ZNF423: variants seen among roughly 807,000 people sequenced by gnomAD.
The protein encoded by ZNF423 is zinc finger protein 423.
A neutral mutation model predicts 95.8 loss-of-function variants in ZNF423; 12 were observed. The observed-to-expected ratio is 0.13, with a 90% CI of 0.08 to 0.20. The LOEUF (loss-of-function observed/expected upper bound fraction) is 0.20. Among genes scored for constraint, ZNF423 ranks in the 10% least tolerant of loss-of-function variants. The pLI, the probability that ZNF423 is intolerant of heterozygous loss-of-function variation, is 1.00. For synonymous variants in ZNF423, 749 were observed against 711.9 expected (o/e 1.05, Z -0.83); for missense variants, 1,316 against 1,737.1 (o/e 0.76, Z 4.31).
intron 2 of ZNF423, among the ~76,000 whole-genome samples, chr16:49,739,696 G>T (rs74018914): frequency 0.02 from 1,067 of 52,512 alleles, 166 homozygotes; most frequent in Middle Eastern, 0.034. Flanking sequence ...TTTTTGTTTG[G>T]TTTTTTTTTT....
At chr16:49,721,038 G>A (rs1281224208) in intron 3 of ZNF423, among the ~76,000 whole-genome samples, 6 of 152,260 alleles carry the variant, frequency 3.9e-5, no homozygotes, top group Non-Finnish European at 7.3e-5. Context: ...GGAGCCTGGA[G>A]GTGCTGGGGC....
chr16:49,703,132 G>A (rs187309939), intron 3 of ZNF423, among the ~76,000 whole-genome samples: 70 of 152,284 alleles, frequency 4.6e-4, no homozygotes, highest in African/African-American at 1.2e-3. Flanking sequence ...TGCGGTTACC[G>A]CTAGAACCTC....
chr16:49,569,851 A>G (rs938755834), intron 5 of ZNF423, among the ~76,000 whole-genome samples: 4 of 152,232 alleles, frequency 2.6e-5, no homozygotes, highest in African/African-American at 7.2e-5. Flanking sequence ...TGTTAAATTC[A>G]TTTAATCCTC....
chr16:49,607,214 A>G (rs1971568186), intron 5 of ZNF423, among the ~76,000 whole-genome samples: 1 of 152,094 alleles, frequency 6.6e-6, no homozygotes, highest in African/African-American at 2.4e-5. Flanking sequence ...AACCCCACTC[A>G]GGATAGCATT....
At chr16:49,692,726 T>C (rs969317230) in intron 3 of ZNF423, among the ~76,000 whole-genome samples, 1 of 152,240 alleles carries the variant, frequency 6.6e-6, no homozygotes, top group Admixed American at 6.5e-5. Flanking sequence ...ACTCACAACA[T>C]GCTAGACAAA....
rs1968459604 is a variant in ZNF423 at position 49,522,936 on chromosome 16, T to C, written c.3849+688A>G. ...GAAAGCAGTTTCACTTGGGCACAGATCTTGTTCCTTGGAAAAACCAGTAAC... is the reference window on the plus strand; with the variant it reads ...GAAAGCAGTTTCACTTGGGCACAGACCTTGTTCCTTGGAAAAACCAGTAAC... On this transcript the variant is annotated intron_variant, in intron 7 of 7. Transcript: ENST00000563137. Among the ~76,000 whole-genome samples, 3 of 152,312 alleles carry C rather than the reference T, an allele frequency of 2.0e-5. No individual in the cohort carries two copies. The South Asian group carries it at 6.2e-4, about 32-fold the overall frequency.
chr16:49,789,809 TA>T (rs2034382855), intron 1 of ZNF423, among the ~76,000 whole-genome samples: 2 of 152,182 alleles, frequency 1.3e-5, no homozygotes, highest in Admixed American at 6.5e-5. Context: ...CAGACATCAC[TA>T]ATCAATCTCA....
chr16:49,596,862 G>A (rs981983269), intron 5 of ZNF423, among the ~76,000 whole-genome samples: 3 of 152,328 alleles, frequency 2.0e-5, no homozygotes, highest in Middle Eastern at 3.4e-3. Context: ...CTAGGGATTG[G>A]CAGGCAGGGA....
At chr16:49,689,755 AG>A (rs2031708926) in intron 3 of ZNF423, among the ~76,000 whole-genome samples, 1 of 152,178 alleles carries the variant, frequency 6.6e-6, no homozygotes, top group Non-Finnish European at 1.5e-5. Context: ...AGGAACAGGC[AG>A]GTGGTACCTG....
intron 5 of ZNF423, among the ~76,000 whole-genome samples, chr16:49,612,117 C>T (rs959478435): frequency 2.0e-5 from 3 of 152,072 alleles, no homozygotes; most frequent in African/African-American, 7.2e-5. Context: ...GAGGAAAGGG[C>T]ACTTCCCAGT....
intron 5 of ZNF423, among the ~76,000 whole-genome samples, chr16:49,581,651 T>C (rs1029900952): frequency 6.6e-6 from 1 of 152,222 alleles, no homozygotes; most frequent in Non-Finnish European, 1.5e-5. Context: ...ATTTAAGTGC[T>C]TTTCCTCATC....
At chr16:49,664,259 G>A (rs2030413979) in intron 3 of ZNF423, 5 of 985,462 alleles carry the variant, frequency 5.1e-6, no homozygotes, top group Admixed American at 6.1e-5. Context: ...CCACCCGGCC[G>A]CCTGGGCCGG....
At chr16:49,821,737 G>C (rs533675837) in intron 1 of ZNF423, among the ~76,000 whole-genome samples, 1 of 152,052 alleles carries the variant, frequency 6.6e-6, no homozygotes, top group African/African-American at 2.4e-5. Context: ...TCCCTCCCCC[G>C]GTGTGTGCGA....
chr16:49,589,069 G>A (rs942222962), intron 5 of ZNF423, among the ~76,000 whole-genome samples: 4 of 152,184 alleles, frequency 2.6e-5, no homozygotes, highest in African/African-American at 9.7e-5. Flanking sequence ...AACTGAAGGG[G>A]CCACAGAAAA....
intron 3 of ZNF423, among the ~76,000 whole-genome samples, chr16:49,666,586 A>C (rs1017994293): frequency 6.6e-6 from 1 of 152,222 alleles, no homozygotes; most frequent in African/African-American, 2.4e-5. Flanking sequence ...GGTTATACTC[A>C]ATTACATGCA....
intron 5 of ZNF423, among the ~76,000 whole-genome samples, chr16:49,591,631 A>G (rs568128911): frequency 2.0e-5 from 3 of 152,362 alleles, no homozygotes; most frequent in East Asian, 1.9e-4. Flanking sequence ...GTGTAAAAAT[A>G]GTATGGGCAT....
chr16:49,760,701 A>G (rs1299070971), intron 2 of ZNF423, among the ~76,000 whole-genome samples: 2 of 152,064 alleles, frequency 1.3e-5, no homozygotes, highest in African/African-American at 4.8e-5. Context: ...TGAGCAGAGA[A>G]TGAGGGAGGG....
intron 2 of ZNF423, among the ~76,000 whole-genome samples, chr16:49,763,059 G>A (rs547515328): frequency 2.0e-4 from 30 of 151,862 alleles, no homozygotes; most frequent in African/African-American, 7.2e-4. Flanking sequence ...GTAGAGATGG[G>A]GTCTTGCTAC....
At chr16:49,527,946 G>T (rs1031750270) in intron 5 of ZNF423, among the ~76,000 whole-genome samples, 3 of 151,824 alleles carry the variant, frequency 2.0e-5, no homozygotes, top group Admixed American at 6.6e-5. Flanking sequence ...ACACACACAC[G>T]ACTACTCCCT....
Sources: allele counts gnomAD v4.1 joint callset (sites outside exome capture counted in the v4.1 genomes callset), GRCh38; gene constraint gnomAD v4.1.1; transcripts MANE v1.5; gene names NCBI Gene and HGNC (gene_info 2026-07-23, HGNC 2026-07-21).